MGMT: variants seen among roughly 807,000 people sequenced by gnomAD.
MGMT encodes O-6-methylguanine-DNA methyltransferase.
MGMT carries 14 observed loss-of-function variants against 15.9 expected under a neutral mutation model. The observed-to-expected ratio is 0.88, with a 90% CI of 0.58 to 1.37. The LOEUF (loss-of-function observed/expected upper bound fraction) is 1.37, where lower values mean the gene tolerates loss of function less well. MGMT is among the 40% of genes most tolerant of loss of function. The probability of loss-of-function intolerance (pLI) is 0.00; values close to 1 mark genes in which losing one functional copy is unlikely to be tolerated. For synonymous variants in MGMT, 130 were observed against 118.2 expected (o/e 1.10, Z -0.65); for missense variants, 282 against 268.1 (o/e 1.05, Z -0.36).
At chr10:129,714,347 C>G (rs1247720682) in intron 3 of MGMT, among the ~76,000 whole-genome samples, 4 of 152,234 alleles carry the variant, frequency 2.6e-5, no homozygotes, top group Non-Finnish European at 4.4e-5. Context: ...CAGTTTCCTA[C>G]CTAGCAATTG....
At chr10:129,725,606 A>G (rs1848424786) in intron 3 of MGMT, among the ~76,000 whole-genome samples, 1 of 152,222 alleles carries the variant, frequency 6.6e-6, no homozygotes, top group Non-Finnish European at 1.5e-5. Flanking sequence ...CAGCACGGCC[A>G]CAGCTTTCCA....
intron 1 of MGMT, among the ~76,000 whole-genome samples, chr10:129,514,439 A>G (rs1328965448): frequency 1.3e-5 from 2 of 151,792 alleles, no homozygotes; most frequent in Non-Finnish European, 2.9e-5. Context: ...CCCCGTGTAT[A>G]TTAGAAGTAT....
intron 2 of MGMT, among the ~76,000 whole-genome samples, chr10:129,542,893 AGTG>A (rs1318455576): frequency 6.6e-6 from 1 of 152,148 alleles, no homozygotes; most frequent in African/African-American, 2.4e-5. Context: ...GTAAATGATC[AGTG>A]GTGGATAGGG....
chr10:129,617,060 C>A (rs1166178361), intron 2 of MGMT, among the ~76,000 whole-genome samples: 1 of 152,146 alleles, frequency 6.6e-6, no homozygotes. Context: ...TGGATTATTT[C>A]TTCATCCACA....
chr10:129,573,118 G>A (rs1388205802), intron 2 of MGMT, among the ~76,000 whole-genome samples: 2 of 151,956 alleles, frequency 1.3e-5, no homozygotes, highest in Admixed American at 6.6e-5. Context: ...TTCATTGATT[G>A]TTTGGGGTTC....
At chr10:129,539,053 G>T (rs1329116664) in intron 2 of MGMT, among the ~76,000 whole-genome samples, 1 of 152,238 alleles carries the variant, frequency 6.6e-6, no homozygotes, top group Admixed American at 6.5e-5. Context: ...TTTCTCACAA[G>T]TTGGAGGCCT....
chr10:129,561,624 C>T (rs1348331503), intron 2 of MGMT, among the ~76,000 whole-genome samples: 1 of 152,066 alleles, frequency 6.6e-6, no homozygotes, highest in Non-Finnish European at 1.5e-5. Flanking sequence ...TGGTATCCAC[C>T]CTCAAGCATG....
At chr10:129,709,487 T>C (rs1458674642) in intron 3 of MGMT, among the ~76,000 whole-genome samples, 1 of 152,140 alleles carries the variant, frequency 6.6e-6, no homozygotes, top group Non-Finnish European at 1.5e-5. Context: ...TACGATCTCT[T>C]TTTGGGGGTT....
At position 129,749,862 on chromosome 10, in the gene MGMT, A is replaced by G. The variant is rs1564784476; in HGVS notation, c.275-9340A>G. ...TCATTATTTTAGTGTGCAGCTCCTA[A>G]AGACAAATTATGTTAAATATCTTTC... On this transcript the variant is annotated intron_variant, in intron 3 of 4. Transcript: ENST00000651593. Among the ~76,000 whole-genome samples, 4 of 152,262 alleles carry G rather than the reference A, an allele frequency of 2.6e-5. No individual in the cohort carries two copies. In the South Asian group the frequency reaches 8.3e-4, roughly 32 times the overall value.
intron 1 of MGMT, among the ~76,000 whole-genome samples, chr10:129,477,941 A>G (rs991113702): frequency 2.0e-5 from 3 of 152,230 alleles, no homozygotes; most frequent in African/African-American, 7.2e-5. Flanking sequence ...GGCATCCCAA[A>G]AGATATGAGT....
At chr10:129,481,534 A>C (rs931822949) in intron 1 of MGMT, among the ~76,000 whole-genome samples, 2 of 152,204 alleles carry the variant, frequency 1.3e-5, no homozygotes, top group Non-Finnish European at 2.9e-5. Flanking sequence ...TAAATGCTTC[A>C]TAAGATTTAC....
At chr10:129,505,862 G>A (rs183735533) in intron 1 of MGMT, among the ~76,000 whole-genome samples, 100 of 152,282 alleles carry the variant, frequency 6.6e-4, no homozygotes, top group African/African-American at 2.3e-3. Context: ...ATTCATGAGA[G>A]CAGTGTGAAG....
At chr10:129,655,431 C>G (rs748771225) in intron 2 of MGMT, among the ~76,000 whole-genome samples, 5 of 152,192 alleles carry the variant, frequency 3.3e-5, no homozygotes, top group African/African-American at 1.2e-4. Context: ...TTTTCCAAGG[C>G]GCTGACCCTG....
chr10:129,682,847 A>G (rs893776352), intron 2 of MGMT, among the ~76,000 whole-genome samples: 7 of 152,124 alleles, frequency 4.6e-5, no homozygotes, highest in Non-Finnish European at 8.8e-5. Context: ...CCTTTTACAT[A>G]CCAGTTTTTT....
intron 2 of MGMT, among the ~76,000 whole-genome samples, chr10:129,558,789 G>A (rs1448622700): frequency 6.6e-6 from 1 of 152,162 alleles, no homozygotes; most frequent in Non-Finnish European, 1.5e-5. Context: ...AAATGTAGTT[G>A]CTTTGGAGCC....
chr10:129,713,423 C>T (rs1848255558), intron 3 of MGMT, among the ~76,000 whole-genome samples: 1 of 152,114 alleles, frequency 6.6e-6, no homozygotes, highest in Admixed American at 6.5e-5. Context: ...AGATCTGTGG[C>T]CTTCTGGAAC....
intron 3 of MGMT, among the ~76,000 whole-genome samples, chr10:129,757,838 C>T (rs1009363086): frequency 6.6e-6 from 1 of 152,144 alleles, no homozygotes; most frequent in Admixed American, 6.5e-5. Context: ...TAAATTGATT[C>T]ATGAATTTTG....
intron 1 of MGMT, among the ~76,000 whole-genome samples, chr10:129,470,638 G>A (rs1205836381): frequency 2.0e-5 from 3 of 152,188 alleles, no homozygotes; most frequent in African/African-American, 4.8e-5. Flanking sequence ...CGGCAGCAAA[G>A]CCAGTCCTCA....
At chr10:129,655,329 A>G (rs982200672) in intron 2 of MGMT, among the ~76,000 whole-genome samples, 7 of 152,258 alleles carry the variant, frequency 4.6e-5, no homozygotes, top group African/African-American at 9.6e-5. Context: ...AGTGGTTTGC[A>G]TGGCTGGAAG....
Sources: gnomAD v4.1 joint callset for allele counts (sites outside exome capture counted in the v4.1 genomes callset) on GRCh38, gnomAD v4.1.1 for gene constraint, MANE v1.5 for transcripts, NCBI Gene and HGNC (gene_info 2026-07-23, HGNC 2026-07-21) for gene names.